The following DAB1 variants were observed in gnomAD, a reference collection of about 807,000 sequenced individuals.
DAB1 encodes the protein disabled homolog 1.
A neutral mutation model predicts 64.6 loss-of-function variants in DAB1; 15 were observed. The ratio of observed to expected loss-of-function variants is 0.23; its 90% CI spans 0.16 to 0.36. The LOEUF (loss-of-function observed/expected upper bound fraction) is 0.36. DAB1 is among the 10% of genes least tolerant of loss of function. The probability of loss-of-function intolerance (pLI) is 1.00; values close to 1 mark genes in which losing one functional copy is unlikely to be tolerated. For synonymous variants in DAB1, 235 were observed against 251.9 expected (o/e 0.93, Z 0.64); for missense variants, 596 against 706.7 (o/e 0.84, Z 1.78).
chr1:57,680,796 C>G (rs1246254528), intron 6 of DAB1, among the ~76,000 whole-genome samples: 1 of 152,178 alleles, frequency 6.6e-6, no homozygotes, highest in Non-Finnish European at 1.5e-5. Flanking sequence ...GGTTGAAAAC[C>G]ATGCGATAGT....
At chr1:57,821,743 CA>C (rs1441367907), downstream of DAB1, among the ~76,000 whole-genome samples, 1 of 152,090 alleles carries the variant, frequency 6.6e-6, no homozygotes, top group Non-Finnish European at 1.5e-5. Context: ...AAGGAAGAGG[CA>C]AAAATGCCAG....
chr1:57,635,452 T>C (rs1646040999), intron 7 of DAB1, among the ~76,000 whole-genome samples: 1 of 152,122 alleles, frequency 6.6e-6, no homozygotes, highest in South Asian at 2.1e-4. Context: ...TAGGTTCTCA[T>C]GGGAGTGTGA....
At chr1:57,017,319 T>TAGTGAG (rs111950154) in intron 11 of DAB1, among the ~76,000 whole-genome samples, 30 of 152,180 alleles carry the variant, frequency 2.0e-4, no homozygotes, top group African/African-American at 6.7e-4. Context: ...CGAGGCAGTG[T>TAGTGAG]ACCAGGAAAA....
intron 5 of DAB1, chr1:58,048,998 C>T: frequency 2.5e-6 from 2 of 809,034 alleles, no homozygotes; most frequent in Admixed American, 1.7e-5. Flanking sequence ...TAAGTGGGCA[C>T]CTGGTCTTTG....
chr1:58,389,563 TACTTAC>T (rs958954938), intron 3 of DAB1, among the ~76,000 whole-genome samples: 1 of 152,224 alleles, frequency 6.6e-6, no homozygotes, highest in Admixed American at 6.5e-5. Context: ...GGGCACTTTC[TACTTAC>T]ACTTACATCA....
At chr1:58,369,756 A>T (rs1344258983) in intron 3 of DAB1, among the ~76,000 whole-genome samples, 4 of 152,268 alleles carry the variant, frequency 2.6e-5, no homozygotes, top group African/African-American at 9.6e-5. Context: ...CTTTCACTGT[A>T]CTACAATGCC....
chr1:58,200,193 G>A (rs540284720), intron 4 of DAB1, among the ~76,000 whole-genome samples: 2 of 152,168 alleles, frequency 1.3e-5, no homozygotes, highest in Admixed American at 6.5e-5. Context: ...TCAGGGACTC[G>A]AACTGTTGCT....
chr1:58,394,541 ATGGTGCTGGAACAAC>A (rs1428273589), intron 3 of DAB1, among the ~76,000 whole-genome samples: 1 of 152,238 alleles, frequency 6.6e-6, no homozygotes, highest in African/African-American at 2.4e-5. Context: ...TTTTAATTAA[ATGGTGCTGGAACAAC>A]TGGATAACTA....
At chr1:58,125,849 G>T (rs1404433736) in intron 5 of DAB1, among the ~76,000 whole-genome samples, 1 of 152,140 alleles carries the variant, frequency 6.6e-6, no homozygotes, top group African/African-American at 2.4e-5. Flanking sequence ...GAAAGGTAAA[G>T]AAATACAGAG....
intron 2 of DAB1, among the ~76,000 whole-genome samples, chr1:57,218,565 C>T (rs983707144): frequency 3.2e-4 from 44 of 139,506 alleles, no homozygotes; most frequent in African/African-American, 1.2e-3. Flanking sequence ...TAGCCAGGTG[C>T]GGTGATGATG....
chr1:57,941,647 T>C (rs997523902), intron 5 of DAB1, among the ~76,000 whole-genome samples: 21 of 152,188 alleles, frequency 1.4e-4, no homozygotes, highest in South Asian at 6.2e-4. Flanking sequence ...CCATCCTGGC[T>C]AACATGGTGA....
intron 3 of DAB1, among the ~76,000 whole-genome samples, chr1:58,488,115 A>C (rs1222022364): frequency 1.3e-5 from 2 of 152,112 alleles, no homozygotes; most frequent in Non-Finnish European, 2.9e-5. Flanking sequence ...AGTTTTCTTT[A>C]AATACAGATT....
At chr1:57,676,134 G>C (rs1452420304) in intron 6 of DAB1, among the ~76,000 whole-genome samples, 1 of 152,184 alleles carries the variant, frequency 6.6e-6, no homozygotes, top group East Asian at 1.9e-4. Flanking sequence ...TAGCAACATA[G>C]GGCAGGGAGG....
chr1:58,356,337 C>T (rs1644111154), intron 3 of DAB1, among the ~76,000 whole-genome samples: 1 of 152,146 alleles, frequency 6.6e-6, no homozygotes, highest in South Asian at 2.1e-4. Flanking sequence ...ATAGCTGGTA[C>T]AAGCAGGGAA....
Position 57,444,383 on chromosome 1 carries a change from T to C in DAB1, n.626-153217A>G, listed in dbSNP as rs114850619. Among the ~76,000 whole-genome samples, 769 of 152,332 alleles carry C rather than the reference T, an allele frequency of 5.0e-3. 9 individuals carry two copies. Among genetic ancestry groups the C allele is most frequent in the African/African-American group, 0.017 (722 of 41,572 alleles). On this transcript the variant is annotated intron_variant and non_coding_transcript_variant, in intron 7 of 20. Transcript: ENST00000485760. ...TTTACAGTTATGTCTTGGCTTAATG[T>C]CTATTTCCCCCAATAGATTATAAGC...
chr1:58,372,752 G>A (rs547000580), intron 3 of DAB1, among the ~76,000 whole-genome samples: 2 of 152,292 alleles, frequency 1.3e-5, no homozygotes, highest in Non-Finnish European at 2.9e-5. Context: ...GTTTTCATGA[G>A]ATCTGATGCT....
In DAB1 at chr1:58,402,176, C is replaced by T. The variant is rs566166850; in HGVS notation, n.258-58773G>A. Reference sequence around the variant, plus strand: ...TTCATCCAGCTCCCTTAAAAGAGCTCCAACTCCACTCCAGCCGTATCATTC... The same window carrying T: ...TTCATCCAGCTCCCTTAAAAGAGCTTCAACTCCACTCCAGCCGTATCATTC... On this transcript the variant is annotated intron_variant and non_coding_transcript_variant, in intron 3 of 20. Transcript: ENST00000485760. Among the ~76,000 whole-genome samples the T allele has an allele frequency of 1.4e-4, 22 of 152,232 alleles. 1 individual carries two copies. Among genetic ancestry groups the T allele is most frequent in the Middle Eastern group, 6.8e-3 (2 of 294 alleles).
At chr1:57,455,354 GAGGAA>G (rs1686547137) in intron 7 of DAB1, among the ~76,000 whole-genome samples, 1 of 152,108 alleles carries the variant, frequency 6.6e-6, no homozygotes. Context: ...ATTTACAGAT[GAGGAA>G]ACTGAGATAC....
chr1:58,028,980 A>G (rs1314100198), intron 5 of DAB1, among the ~76,000 whole-genome samples: 1 of 152,172 alleles, frequency 6.6e-6, no homozygotes, highest in African/African-American at 2.4e-5. Context: ...ATGAACGGCT[A>G]CCTCACAGAA....
Sources: allele counts gnomAD v4.1 joint callset (sites outside exome capture counted in the v4.1 genomes callset), GRCh38; gene constraint gnomAD v4.1.1; transcripts MANE v1.5; gene names NCBI Gene and HGNC (gene_info 2026-07-23, HGNC 2026-07-21).